The following COL25A1 variants were observed in gnomAD, a reference collection of about 807,000 sequenced individuals.
COL25A1 encodes the protein collagen type XXV alpha 1 chain, also known as collagen alpha-1(XXV) chain.
COL25A1 carries 103 observed loss-of-function variants against 128.4 expected under a neutral mutation model. The ratio of observed to expected loss-of-function variants is 0.80; its 90% CI spans 0.68 to 0.94. The LOEUF (loss-of-function observed/expected upper bound fraction) is 0.94, where lower values mean the gene tolerates loss of function less well. Ranked by LOEUF, COL25A1 falls within the 40% of genes least tolerant of loss-of-function variation. The pLI is 0.00. For missense variants in COL25A1, 745 were observed against 840.0 expected, an observed-to-expected ratio of 0.89 and a Z score of 1.40; for synonymous variants, 279 against 277.2, an observed-to-expected ratio of 1.01 and a Z score of -0.06.
At position 108,854,202 on chromosome 4, in the gene COL25A1, T is replaced by C. The variant is rs1042681193; in HGVS notation, c.1321-1277A>G. The C allele has an allele frequency of 3.9e-5, 6 of 152,208 alleles. No homozygotes were observed. The East Asian group carries it at 5.8e-4, about 15-fold the overall frequency. The allele number at this position is 152,208 out of a possible 1,614,324, so 9.4% of individuals were successfully genotyped here. ...GAAACTGGACCCCTTCCTTAAACCT[T>C]ATACAAAAATTAACTCAAAACGGAT... On this transcript the variant is annotated intron_variant, in intron 24 of 37. Transcript: ENST00000399132.
At chr4:109,003,024 G>C (rs1438453098) in intron 6 of COL25A1, among the ~76,000 whole-genome samples, 1 of 152,162 alleles carries the variant, frequency 6.6e-6, no homozygotes, top group Non-Finnish European at 1.5e-5. Flanking sequence ...GTGAGGACAT[G>C]TGGTGAGGAC....
chr4:109,113,619 TA>T (rs753715557), intron 3 of COL25A1, among the ~76,000 whole-genome samples: 16,594 of 152,126 alleles, frequency 0.11, 1,149 homozygotes, highest in African/African-American at 0.19. Flanking sequence ...CTGTTTATGG[TA>T]AATTGGGCAA....
At chr4:108,892,633 G>A (rs1226219896) in intron 16 of COL25A1, among the ~76,000 whole-genome samples, 1 of 152,132 alleles carries the variant, frequency 6.6e-6, no homozygotes, top group African/African-American at 2.4e-5. Flanking sequence ...AGCATGAAAG[G>A]TAATTCATTT....
At chr4:108,927,110 CA>C (rs1263227712) in intron 11 of COL25A1, among the ~76,000 whole-genome samples, 1 of 152,062 alleles carries the variant, frequency 6.6e-6, no homozygotes, top group African/African-American at 2.4e-5. Flanking sequence ...CCAAGAAGTC[CA>C]TATCCTTCTC....
At chr4:108,841,254 G>A (rs1052624978) in intron 31 of COL25A1, among the ~76,000 whole-genome samples, 1 of 152,000 alleles carries the variant, frequency 6.6e-6, no homozygotes, top group Non-Finnish European at 1.5e-5. Flanking sequence ...ATGACCTCTG[G>A]GCGAGTACAA....
chr4:109,105,792 A>G (rs1207636238), intron 3 of COL25A1, among the ~76,000 whole-genome samples: 4 of 152,184 alleles, frequency 2.6e-5, no homozygotes, highest in Non-Finnish European at 5.9e-5. Context: ...ATTAAATAAA[A>G]CCCCACATCC....
At chr4:109,100,642 C>T (rs1765810774) in intron 3 of COL25A1, among the ~76,000 whole-genome samples, 1 of 152,118 alleles carries the variant, frequency 6.6e-6, no homozygotes. Context: ...ATTTCTATAC[C>T]TAAAGAATAA....
At chr4:109,174,046 T>C (rs1370918873) in intron 3 of COL25A1, among the ~76,000 whole-genome samples, 1 of 152,130 alleles carries the variant, frequency 6.6e-6, no homozygotes, top group African/African-American at 2.4e-5. Context: ...ATTGTATGAG[T>C]ATTAAAAGCT....
intron 3 of COL25A1, among the ~76,000 whole-genome samples, chr4:109,128,062 T>C (rs923349412): frequency 3.9e-5 from 6 of 152,124 alleles, no homozygotes; most frequent in Non-Finnish European, 7.4e-5. Flanking sequence ...AGCACCTAGC[T>C]GGGGCTGAGA....
intron 3 of COL25A1, among the ~76,000 whole-genome samples, chr4:109,119,826 A>G (rs1312703880): frequency 6.6e-6 from 1 of 152,118 alleles, no homozygotes; most frequent in African/African-American, 2.4e-5. Context: ...TAAAGTCATC[A>G]GAAGAAAAGA....
chr4:108,982,327 C>T (rs1753068953), intron 6 of COL25A1, among the ~76,000 whole-genome samples: 1 of 152,138 alleles, frequency 6.6e-6, no homozygotes, highest in Middle Eastern at 3.2e-3. Context: ...TATAGTCTAC[C>T]TCTATCGTTA....
In COL25A1 at chr4:109,098,786, G is replaced by A. The variant is rs556343578; in HGVS notation, c.368-48607C>T. Among the ~76,000 whole-genome samples, 196 of 152,286 alleles carry A rather than the reference G, an allele frequency of 1.3e-3. No homozygotes were observed. The Middle Eastern group carries it at 0.027, about 21-fold the overall frequency. On this transcript the variant is annotated intron_variant, in intron 3 of 37. Transcript: ENST00000399132. ...ACCCCTATTCCCCAATCTACTTTAA[G>A]CACAGGATGTTTAGTCTATAACCAA...
At chr4:109,211,575 T>A (rs898809339) in intron 3 of COL25A1, among the ~76,000 whole-genome samples, 6 of 150,822 alleles carry the variant, frequency 4.0e-5, no homozygotes, top group Non-Finnish European at 7.4e-5. Flanking sequence ...TCAGTGGGCA[T>A]CCCATTCTAT....
chr4:109,150,030 GTGTA>G (rs1357279201), intron 3 of COL25A1, among the ~76,000 whole-genome samples: 5 of 151,182 alleles, frequency 3.3e-5, no homozygotes, highest in South Asian at 2.1e-4. Flanking sequence ...CTGTGTGTAT[GTGTA>G]TGTATGTGTG....
intron 3 of COL25A1, among the ~76,000 whole-genome samples, chr4:109,218,484 T>C (rs1376111585): frequency 6.6e-6 from 1 of 151,222 alleles, no homozygotes; most frequent in Non-Finnish European, 1.5e-5. Context: ...TCTGTTTAGA[T>C]GTGCCTCCAC....
At chr4:109,187,428 A>G (rs1349487686) in intron 3 of COL25A1, among the ~76,000 whole-genome samples, 1 of 152,218 alleles carries the variant, frequency 6.6e-6, no homozygotes, top group Admixed American at 6.5e-5. Flanking sequence ...ACACTTACCT[A>G]TAAAACCTAT....
chr4:109,022,314 C>T, intron 5 of COL25A1: 1 of 349,810 alleles, frequency 2.9e-6, no homozygotes, highest in South Asian at 2.2e-5. Context: ...CCCGATATTT[C>T]ACGATCCATG....
intron 32 of COL25A1, 105 bp downstream of exon 32, chr4:108,832,275 G>T: frequency 1.3e-6 from 1 of 746,266 alleles, no homozygotes; most frequent in Non-Finnish European, 2.2e-6. Flanking sequence ...TTTAATATTA[G>T]ATAGCCCTTT....
chr4:109,081,082 G>T (rs751224784), intron 3 of COL25A1, among the ~76,000 whole-genome samples: 1 of 152,252 alleles, frequency 6.6e-6, no homozygotes, highest in East Asian at 1.9e-4. Flanking sequence ...TTTCATGCAT[G>T]GTCAATATTT....
Sources: gnomAD v4.1 joint callset for allele counts (sites outside exome capture counted in the v4.1 genomes callset) on GRCh38, gnomAD v4.1.1 for gene constraint, MANE v1.5 for transcripts, NCBI Gene and HGNC (gene_info 2026-07-23, HGNC 2026-07-21) for gene names.